The following COL26A1 variants were observed in gnomAD, a reference collection of about 807,000 sequenced individuals.
The protein encoded by COL26A1 is collagen alpha-1(XXVI) chain.
Under a neutral mutation model 59.3 loss-of-function variants are expected in COL26A1, and 41 were observed. That is an observed-to-expected ratio of 0.69 (90% CI 0.54 to 0.90). The LOEUF (loss-of-function observed/expected upper bound fraction) is 0.90, where lower values mean the gene tolerates loss of function less well. Ranked by LOEUF, COL26A1 falls within the 40% of genes least tolerant of loss-of-function variation. The pLI, the probability that COL26A1 is intolerant of heterozygous loss-of-function variation, is 0.00. For synonymous variants in COL26A1, 266 were observed against 256.0 expected (o/e 1.04, Z -0.37); for missense variants, 612 against 602.3 (o/e 1.02, Z -0.17).
intron 6 of COL26A1, among the ~76,000 whole-genome samples, chr7:101,544,773 C>T (rs556467541): frequency 6.6e-6 from 1 of 151,268 alleles, no homozygotes; most frequent in East Asian, 2.0e-4. Flanking sequence ...CCTCAGGTGA[C>T]CTGCCTGCCT....
intron 5 of COL26A1, among the ~76,000 whole-genome samples, chr7:101,542,508 AG>A (rs1754721416): frequency 6.6e-6 from 1 of 152,206 alleles, no homozygotes; most frequent in African/African-American, 2.4e-5. Context: ...TCACCCAGCA[AG>A]CCAGCAAGCT....
intron 1 of COL26A1, among the ~76,000 whole-genome samples, chr7:101,373,054 T>C (rs1791230190): frequency 6.6e-6 from 1 of 152,162 alleles, no homozygotes; most frequent in Admixed American, 6.5e-5. Context: ...GAAGTCTCCT[T>C]CCTGCCACCT....
chr7:101,528,318 C>T (rs1487592823), intron 3 of COL26A1, among the ~76,000 whole-genome samples: 4 of 152,184 alleles, frequency 2.6e-5, no homozygotes, highest in Admixed American at 2.6e-4. Context: ...TTGCCTCAGG[C>T]CCTTGAAACA....
chr7:101,460,795 A>G (rs1474057684), intron 3 of COL26A1, among the ~76,000 whole-genome samples: 2 of 138,514 alleles, frequency 1.4e-5, no homozygotes, highest in Non-Finnish European at 3.3e-5. Flanking sequence ...AGAAAAAAAA[A>G]AAAGAAAGAA....
chr7:101,541,291 A>G lies in COL26A1; in HGVS notation c.604+1242A>G, dbSNP rs117115923. ...TTGCTCTCTGAACTCTCTGGCTGGAATTGGAGGACATCTGCCCCCCTGCCT... is the reference window on the plus strand; with the variant it reads ...TTGCTCTCTGAACTCTCTGGCTGGAGTTGGAGGACATCTGCCCCCCTGCCT... On this transcript the variant is annotated intron_variant, in intron 5 of 12. Coordinates refer to ENST00000313669, the MANE Select transcript of COL26A1 (RefSeq NM_001278563.3). 7.8e-3 allele frequency among the ~76,000 whole-genome samples: 1,194 copies of G among 152,274 alleles called. 7 individuals are homozygous for G. The highest frequency in any genetic ancestry group is 0.017 in the Middle Eastern group (5 of 294).
At chr7:101,495,601 A>G (rs958688141) in intron 3 of COL26A1, among the ~76,000 whole-genome samples, 5 of 151,008 alleles carry the variant, frequency 3.3e-5, no homozygotes, top group Non-Finnish European at 7.4e-5. Flanking sequence ...TTTTATTTTT[A>G]GTTGAGACGG....
intron 1 of COL26A1, among the ~76,000 whole-genome samples, chr7:101,394,027 G>A (rs945310947): frequency 2.0e-5 from 3 of 147,554 alleles, no homozygotes; most frequent in Non-Finnish European, 4.5e-5. Context: ...GCCCTCCTGC[G>A]TAAGCCTCCC....
intron 1 of COL26A1, among the ~76,000 whole-genome samples, chr7:101,382,294 G>C (rs570068840): frequency 1.3e-5 from 2 of 152,144 alleles, no homozygotes; most frequent in African/African-American, 4.8e-5. Context: ...AGCAATTCTG[G>C]GTTGGCCTCC....
intron 3 of COL26A1, among the ~76,000 whole-genome samples, chr7:101,472,284 G>A (rs1793923828): frequency 1.3e-5 from 2 of 152,208 alleles, no homozygotes; most frequent in African/African-American, 2.4e-5. Context: ...GGGATTACAG[G>A]TGTGAGCCGC....
intron 1 of COL26A1, among the ~76,000 whole-genome samples, chr7:101,369,253 A>G (rs538300754): frequency 6.6e-6 from 1 of 151,870 alleles, no homozygotes; most frequent in African/African-American, 2.4e-5. Context: ...CTAAGAATAC[A>G]AAAATTAGCT....
intron 1 of COL26A1, among the ~76,000 whole-genome samples, chr7:101,406,643 C>T (rs117689038): frequency 0.017 from 2,525 of 152,274 alleles, 29 homozygotes; most frequent in Non-Finnish European, 0.027. Flanking sequence ...CTCTGAGTTC[C>T]CTTCTTTAAA....
chr7:101,518,857 C>T (rs977774109), intron 3 of COL26A1, among the ~76,000 whole-genome samples: 2 of 152,136 alleles, frequency 1.3e-5, no homozygotes, highest in East Asian at 1.9e-4. Context: ...ATCTCTCCAC[C>T]GAGCACATTG....
At chr7:101,543,271 G>T (rs1394409921) in intron 5 of COL26A1, among the ~76,000 whole-genome samples, 1 of 151,836 alleles carries the variant, frequency 6.6e-6, no homozygotes, top group Non-Finnish European at 1.5e-5. Flanking sequence ...CTGGGCTCAA[G>T]CCATCCTCCC....
intron 3 of COL26A1, among the ~76,000 whole-genome samples, chr7:101,531,375 C>T (rs1795365638): frequency 1.3e-5 from 2 of 152,210 alleles, no homozygotes; most frequent in Non-Finnish European, 2.9e-5. Flanking sequence ...TATCATGTGT[C>T]TTTGGTGAAG....
chr7:101,544,941 C>T (rs1488601351), intron 6 of COL26A1, among the ~76,000 whole-genome samples: 1 of 152,164 alleles, frequency 6.6e-6, no homozygotes, highest in African/African-American at 2.4e-5. Flanking sequence ...CCTCTCAACT[C>T]CTCCTGGGTC....
At chr7:101,427,540 T>C (rs953375956) in intron 2 of COL26A1, among the ~76,000 whole-genome samples, 5 of 152,018 alleles carry the variant, frequency 3.3e-5, no homozygotes, top group Admixed American at 3.3e-4. Context: ...CAGGCACCTG[T>C]AATTCCAGCT....
At chr7:101,473,318 C>A (rs889066335) in intron 3 of COL26A1, among the ~76,000 whole-genome samples, 1 of 151,966 alleles carries the variant, frequency 6.6e-6, no homozygotes, top group African/African-American at 2.4e-5. Context: ...CCTTGTGATC[C>A]GCCCACCTCA....
At chr7:101,538,114 T>A (rs901811239) in intron 4 of COL26A1, among the ~76,000 whole-genome samples, 1 of 152,144 alleles carries the variant, frequency 6.6e-6, no homozygotes, top group East Asian at 1.9e-4. Flanking sequence ...TCCCCTGCGC[T>A]GGCCATCCCA....
At chr7:101,538,092 C>A (rs756535267) in intron 4 of COL26A1, among the ~76,000 whole-genome samples, 3 of 152,180 alleles carry the variant, frequency 2.0e-5, no homozygotes, top group Non-Finnish European at 2.9e-5. Context: ...CAGGGCCTGA[C>A]GCTCCTCCAA....
Sources: allele counts gnomAD v4.1 joint callset (sites outside exome capture counted in the v4.1 genomes callset), GRCh38; gene constraint gnomAD v4.1.1; transcripts MANE v1.5; gene names NCBI Gene and HGNC (gene_info 2026-07-23, HGNC 2026-07-21).